The following FUT9 variants were observed in gnomAD, a reference collection of about 807,000 sequenced individuals.
The protein encoded by FUT9 is fucosyltransferase 9.
A neutral mutation model predicts 29.7 loss-of-function variants in FUT9; 15 were observed. That is an observed-to-expected ratio of 0.51 (90% CI 0.34 to 0.78). The LOEUF (loss-of-function observed/expected upper bound fraction) is 0.78, where lower values mean the gene tolerates loss of function less well. Among genes scored for constraint, FUT9 ranks in the 30% least tolerant of loss-of-function variants. The probability of loss-of-function intolerance (pLI) is 0.01; values close to 1 mark genes in which losing one functional copy is unlikely to be tolerated. For missense variants in FUT9, 319 were observed against 425.4 expected (o/e 0.75, Z 2.20); for synonymous variants, 169 against 153.7 (o/e 1.10, Z -0.74).
intron 1 of FUT9, among the ~76,000 whole-genome samples, chr6:96,077,921 C>T (rs1771165859): frequency 6.6e-6 from 1 of 152,134 alleles, no homozygotes; most frequent in Non-Finnish European, 1.5e-5. Flanking sequence ...ATTATTTGCT[C>T]TTTATCCCTA....
intron 1 of FUT9, among the ~76,000 whole-genome samples, chr6:96,102,573 C>A (rs950718219): frequency 1.3e-5 from 2 of 152,114 alleles, no homozygotes; most frequent in South Asian, 2.1e-4. Context: ...ACTTTTGAGA[C>A]ACATTTTGCT....
intron 1 of FUT9, among the ~76,000 whole-genome samples, chr6:96,058,952 T>C (rs550293931): frequency 7.2e-5 from 11 of 152,328 alleles, no homozygotes; most frequent in African/African-American, 2.6e-4. Context: ...AACAATCTGA[T>C]GTATCACTTT....
chr6:96,210,624 T>C lies in FUT9; in HGVS notation c.*6389T>C, dbSNP rs1773920160. 1.2e-5 allele frequency: 2 copies of C among 166,926 alleles called. No individual in the cohort carries two copies. The highest frequency in any genetic ancestry group is 4.8e-5 in the African/African-American group (2 of 41,444). The allele number at this position is 166,926 out of a possible 1,614,324, so 10.3% of individuals were successfully genotyped here. On this transcript the variant is annotated 3_prime_UTR_variant, in exon 3 of 3. Transcript: ENST00000302103. Reference sequence around the variant, plus strand: ...CTTGAAAAAAATCTCTAATTTGCTTTCTAGGTTCTAACTGCATGTTTATAT... The same window carrying C: ...CTTGAAAAAAATCTCTAATTTGCTTCCTAGGTTCTAACTGCATGTTTATAT...
chr6:96,087,367 T>G (rs999665947), intron 1 of FUT9, among the ~76,000 whole-genome samples: 1 of 145,562 alleles, frequency 6.9e-6, no homozygotes, highest in African/African-American at 2.5e-5. Flanking sequence ...CACAAATTTT[T>G]TTTTTTTTTT....
rs1335151883 is a variant in FUT9, at chr6:96,139,486, C to T, written c.-9+25359C>T. On this transcript the variant is annotated intron_variant, in intron 2 of 2. Coordinates refer to ENST00000302103, the MANE Select transcript of FUT9 (RefSeq NM_006581.4). ...GAGGACGGTGGCCTCCTTCTCACAG[C>T]TCCACTAGGCAGTGCCCCAGTGGGG... Among the ~76,000 whole-genome samples, 5 of 152,202 alleles carry T rather than the reference C, an allele frequency of 3.3e-5. No individual in the cohort carries two copies. The South Asian group carries it at 1.0e-3, about 32-fold the overall frequency.
chr6:96,082,214 T>C (rs966602319), intron 1 of FUT9, among the ~76,000 whole-genome samples: 2 of 151,818 alleles, frequency 1.3e-5, no homozygotes, highest in Non-Finnish European at 3.0e-5. Flanking sequence ...TATTATTCTT[T>C]AGCAGAAATT....
chr6:96,139,792 G>A lies in FUT9; in HGVS notation c.-9+25665G>A, dbSNP rs79402002. Among the ~76,000 whole-genome samples the A allele has an allele frequency of 2.0e-3, 306 of 152,268 alleles. 9 individuals carry two copies. In the East Asian group the frequency reaches 0.055, roughly 27 times the overall value. ...CCTTTTAACCATGGCTGGAGCTGAAGCAGCTGAGATGCAGGGGGCACCATG... is the reference window on the plus strand; with the variant it reads ...CCTTTTAACCATGGCTGGAGCTGAAACAGCTGAGATGCAGGGGGCACCATG... On this transcript the variant is annotated intron_variant, in intron 2 of 2. Transcript: ENST00000302103.
chr6:96,020,185 T>C (rs1770043278), intron 1 of FUT9, among the ~76,000 whole-genome samples: 1 of 152,154 alleles, frequency 6.6e-6, no homozygotes, highest in African/African-American at 2.4e-5. Flanking sequence ...TCTTTTAACA[T>C]TTTTGCATAA....
intron 1 of FUT9, among the ~76,000 whole-genome samples, chr6:96,088,700 A>C (rs1376729407): frequency 6.6e-6 from 1 of 152,176 alleles, no homozygotes; most frequent in Non-Finnish European, 1.5e-5. Flanking sequence ...TTATAGTTTT[A>C]TATTTAGAAT....
chr6:96,185,942 A>G (rs1050371709), intron 2 of FUT9, among the ~76,000 whole-genome samples: 1 of 152,086 alleles, frequency 6.6e-6, no homozygotes, highest in Non-Finnish European at 1.5e-5. Flanking sequence ...TTCCCGATAT[A>G]AGAAAAATCC....
At chr6:96,107,749 A>C (rs760010330) in intron 1 of FUT9, among the ~76,000 whole-genome samples, 6 of 152,188 alleles carry the variant, frequency 3.9e-5, no homozygotes, top group Non-Finnish European at 7.4e-5. Context: ...GCAACTCAGC[A>C]TGTAGAACAG....
At chr6:96,035,482 T>C (rs1770336448) in intron 1 of FUT9, among the ~76,000 whole-genome samples, 1 of 150,896 alleles carries the variant, frequency 6.6e-6, no homozygotes, top group South Asian at 2.1e-4. Context: ...TCCTTTTATC[T>C]CTTAATACAT....
At chr6:96,181,383 T>C (rs1360721035) in intron 2 of FUT9, among the ~76,000 whole-genome samples, 2 of 151,982 alleles carry the variant, frequency 1.3e-5, no homozygotes, top group Admixed American at 6.6e-5. Context: ...CCTTACCCAA[T>C]AGGAAGCATT....
At position 96,209,153 on chromosome 6, in the gene FUT9, T is replaced by C. The variant is rs1773887352; in HGVS notation, c.*4918T>C. The C allele has an allele frequency of 6.0e-6, 1 of 166,888 alleles. No homozygotes were observed. The highest frequency in any genetic ancestry group is 1.5e-5 in the Non-Finnish European group (1 of 68,010). The allele number at this position is 166,888 out of a possible 1,614,324, so 10.3% of individuals were successfully genotyped here. A position where few individuals can be genotyped will look rare whatever the true frequency, so the allele number is the denominator to read the frequency against. On this transcript the variant is annotated 3_prime_UTR_variant, in exon 3 of 3. Coordinates refer to ENST00000302103, the MANE Select transcript of FUT9 (RefSeq NM_006581.4). ...CCACTTAACCTCTCTGGACCTTGTT[T>C]GTAAGCTTTCTTCTAGCACTATTAC...
At chr6:96,155,014 A>G (rs1264544803) in intron 2 of FUT9, among the ~76,000 whole-genome samples, 2 of 152,130 alleles carry the variant, frequency 1.3e-5, no homozygotes, top group African/African-American at 4.8e-5. Context: ...AACTTTCTTA[A>G]CATTTCAGGT....
At chr6:96,048,496 A>T (rs1305479434) in intron 1 of FUT9, among the ~76,000 whole-genome samples, 1 of 152,228 alleles carries the variant, frequency 6.6e-6, no homozygotes, top group East Asian at 1.9e-4. Context: ...GTAAGGAAGG[A>T]TTGACAAAGA....
intron 1 of FUT9, among the ~76,000 whole-genome samples, chr6:96,029,316 G>T (rs1237865565): frequency 1.3e-5 from 2 of 151,516 alleles, no homozygotes; most frequent in African/African-American, 4.8e-5. Flanking sequence ...CACCCATTGG[G>T]GCTTATATGT....
chr6:96,173,529 G>A (rs1773150815), intron 2 of FUT9, among the ~76,000 whole-genome samples: 1 of 151,902 alleles, frequency 6.6e-6, no homozygotes, highest in Non-Finnish European at 1.5e-5. Flanking sequence ...TGGGCCTTCA[G>A]TATGTTCTTT....
At position 96,212,937 on chromosome 6, in the gene FUT9, A is replaced by G. The variant is rs1026682739; in HGVS notation, c.*8702A>G. ...ACAATCTGCTGTATAATTCACTAAC[A>G]TTTCTGAGCCATAGATTTTTAATCT... On this transcript the variant is annotated 3_prime_UTR_variant, in exon 3 of 3. Coordinates refer to ENST00000302103, the MANE Select transcript of FUT9 (RefSeq NM_006581.4). The G allele has an allele frequency of 1.2e-5, 2 of 166,864 alleles. No homozygotes were observed. Among genetic ancestry groups the G allele is most frequent in the Non-Finnish European group, 2.9e-5 (2 of 68,008 alleles). 10.3% of individuals were successfully genotyped at this position (166,864 alleles called of 1,614,324 possible). A position where few individuals can be genotyped will look rare whatever the true frequency, so the allele number is the denominator to read the frequency against.
Sources: allele counts gnomAD v4.1 joint callset (sites outside exome capture counted in the v4.1 genomes callset), GRCh38; gene constraint gnomAD v4.1.1; transcripts MANE v1.5; gene names NCBI Gene and HGNC (gene_info 2026-07-23, HGNC 2026-07-21).